Variants in LRRC63 observed in about 807,000 individuals in gnomAD.
LRRC63 encodes leucine-rich repeat-containing protein 63.
In LRRC63, 40 loss-of-function variants were observed where a neutral mutation model predicts 49.5. That is an observed-to-expected ratio of 0.81 (90% confidence interval 0.63 to 1.05). The LOEUF (loss-of-function observed/expected upper bound fraction) is 1.05, where lower values mean the gene tolerates loss of function less well. LRRC63 is among the 50% of genes least tolerant of loss of function. LRRC63 has a pLI of 0.00. For synonymous variants in LRRC63, 191 were observed against 221.1 expected (o/e 0.86, Z 1.21); for missense variants, 636 against 663.1 (o/e 0.96, Z 0.45).
At chr13:46,245,399 A>G (rs1036836034) in intron 5 of LRRC63, among the ~76,000 whole-genome samples, 1 of 152,216 alleles carries the variant, frequency 6.6e-6, no homozygotes, top group South Asian at 2.1e-4. Flanking sequence ...CAACTGCAGA[A>G]TAAACATTAC....
At chr13:46,270,602 G>A in intron 9 of LRRC63, 1 of 833,628 alleles carries the variant, frequency 1.2e-6, no homozygotes, top group African/African-American at 1.7e-5. Context: ...ATGCATTAAT[G>A]CCACAACAGT....
intron 9 of LRRC63, among the ~76,000 whole-genome samples, chr13:46,274,700 GTTTGT>G (rs1013625916): frequency 6.6e-4 from 100 of 151,990 alleles, no homozygotes; most frequent in African/African-American, 2.3e-3. Context: ...AGAAATTTTT[GTTTGT>G]TTTTATTTTT....
At chr13:46,212,063 T>C (rs1309983623) in exon 1 of LRRC63, 2 of 152,310 alleles carry the variant, frequency 1.3e-5, no homozygotes, top group African/African-American at 4.8e-5. Context: ...CCTCGCTGCC[T>C]AGATTCCGAG....
intron 8 of LRRC63, among the ~76,000 whole-genome samples, chr13:46,265,567 A>G (rs1487151443): frequency 2.6e-5 from 4 of 152,162 alleles, no homozygotes; most frequent in South Asian, 2.1e-4. Context: ...AGTCTCTTTT[A>G]TAAGGGCACT....
At position 46,261,220 on chromosome 13, in the gene LRRC63, T is replaced by C. The variant is rs568888199; in HGVS notation, c.1227-689T>C. Among the ~76,000 whole-genome samples, 7 of 152,376 alleles carry C rather than the reference T, an allele frequency of 4.6e-5. 1 individual carries two copies. The South Asian group carries it at 1.2e-3, about 27-fold the overall frequency. ...TACTAGAAAAGTCTTAATGCAATTG[T>C]AGTGGGTTGAATAGCATCCCTCGGA... On this transcript the variant is annotated intron_variant, in intron 7 of 9. Transcript: ENST00000595396.
At chr13:46,214,420 T>C (rs971302254) in intron 2 of LRRC63, among the ~76,000 whole-genome samples, 2 of 152,220 alleles carry the variant, frequency 1.3e-5, no homozygotes, top group Middle Eastern at 3.2e-3. Context: ...AATAATACAG[T>C]ATGCAGATTT....
intron 7 of LRRC63, among the ~76,000 whole-genome samples, chr13:46,257,778 A>AT (rs1411868562): frequency 1.3e-5 from 2 of 152,240 alleles, no homozygotes; most frequent in African/African-American, 4.8e-5. Flanking sequence ...TAAGATACAT[A>AT]TTTTTTCTAG....
rs138465494 is a variant in LRRC63 at position 46,227,895 on chromosome 13, T to C, written c.469T>C (p.Ser157Pro). 223 of 1,550,562 alleles carry C rather than the reference T, an allele frequency of 1.4e-4. 1 individual carries two copies. In the African/African-American group the frequency reaches 2.5e-3, roughly 17 times the overall value. The change falls in exon 3 of 10, where the codon TCC becomes CCC. Residue 157 changes from serine (S) to proline (P), a missense_variant. Ser to Pro is a moderately conservative substitution (Grantham distance 74). Coordinates refer to ENST00000595396, the Ensembl canonical transcript of LRRC63. ...CATTTTAATTCTTTCTTCCAAGTTTTCCAAACCTAAAAGTACTCCTGGCTC... is the reference window on the plus strand; with the variant it reads ...CATTTTAATTCTTTCTTCCAAGTTTCCCAAACCTAAAAGTACTCCTGGCTC...
chr13:46,239,430 G>T (rs2046992970), intron 5 of LRRC63, among the ~76,000 whole-genome samples: 1 of 152,008 alleles, frequency 6.6e-6, no homozygotes. Flanking sequence ...TCCCAAGACT[G>T]AACCAGGAAG....
At chr13:46,274,890 T>C (rs1009979248) in intron 9 of LRRC63, among the ~76,000 whole-genome samples, 2 of 152,142 alleles carry the variant, frequency 1.3e-5, no homozygotes, top group African/African-American at 4.8e-5. Context: ...AAATACACAA[T>C]AAATTATTGT....
chr13:46,230,377 T>C (rs1045875787), intron 4 of LRRC63, among the ~76,000 whole-genome samples: 1 of 152,200 alleles, frequency 6.6e-6, no homozygotes, highest in Admixed American at 6.5e-5. Context: ...TAAGGAGAAT[T>C]GACTCACCAT....
intron 2 of LRRC63, among the ~76,000 whole-genome samples, chr13:46,219,278 T>G (rs2046339564): frequency 6.6e-6 from 1 of 152,232 alleles, no homozygotes; most frequent in Non-Finnish European, 1.5e-5. Context: ...AATGCCATAT[T>G]TCTTGGAGGC....
intron 4 of LRRC63, among the ~76,000 whole-genome samples, chr13:46,229,328 C>T (rs1446702056): frequency 6.6e-6 from 1 of 152,168 alleles, no homozygotes; most frequent in Admixed American, 6.5e-5. Context: ...ACTATTAAAG[C>T]TGCCAAAAAT....
At chr13:46,213,454 T>C (rs1433786175) in intron 2 of LRRC63, among the ~76,000 whole-genome samples, 2 of 152,232 alleles carry the variant, frequency 1.3e-5, no homozygotes, top group Non-Finnish European at 2.9e-5. Context: ...AGGCTACCTC[T>C]ACCTTCTTGT....
chr13:46,258,292 G>T (rs1008986775), intron 7 of LRRC63, among the ~76,000 whole-genome samples: 55 of 151,206 alleles, frequency 3.6e-4, no homozygotes, highest in African/African-American at 9.2e-4. Flanking sequence ...ACCATGCCTG[G>T]CTAATTTTTT....
chr13:46,246,483 C>A (rs2047215962), intron 5 of LRRC63, 44 bp from the exon 6 acceptor site: 2 of 938,404 alleles, frequency 2.1e-6, no homozygotes, highest in Non-Finnish European at 2.9e-6. Flanking sequence ...CTATTTTGTG[C>A]CTTGTTAGTG....
At chr13:46,270,453 A>G (rs556225252) in intron 9 of LRRC63, 2 of 786,564 alleles carry the variant, frequency 2.5e-6, no homozygotes, top group Non-Finnish European at 4.7e-6. Context: ...AATGAAAAAC[A>G]TTCTCCATAA....
At chr13:46,264,502 A>G (rs1187690884) in intron 8 of LRRC63, among the ~76,000 whole-genome samples, 2 of 152,118 alleles carry the variant, frequency 1.3e-5, no homozygotes, top group Non-Finnish European at 2.9e-5. Flanking sequence ...TTGGATCCCC[A>G]TGAAGATCAT....
At chr13:46,238,092 A>T (rs1461474472) in intron 5 of LRRC63, among the ~76,000 whole-genome samples, 1 of 152,194 alleles carries the variant, frequency 6.6e-6, no homozygotes, top group Non-Finnish European at 1.5e-5. Flanking sequence ...TCAATTCAAC[A>T]AGAAGACATA....
Sources: gnomAD v4.1 joint callset for allele counts (sites outside exome capture counted in the v4.1 genomes callset) on GRCh38, gnomAD v4.1.1 for gene constraint, MANE v1.5 for transcripts, NCBI Gene and HGNC (gene_info 2026-07-23, HGNC 2026-07-21) for gene names.